The following GPC5 variants were observed in gnomAD, a reference collection of about 807,000 sequenced individuals.
GPC5 encodes glypican-5.
Under a neutral mutation model 53.9 loss-of-function variants are expected in GPC5, and 47 were observed. That is an observed-to-expected ratio of 0.87 (90% CI 0.69 to 1.11). The LOEUF (loss-of-function observed/expected upper bound fraction) is 1.11, where lower values mean the gene tolerates loss of function less well. Ranked by LOEUF, GPC5 falls within the 50% of genes most tolerant of loss-of-function variation. The pLI is 0.00. For missense variants in GPC5, 748 were observed against 713.1 expected, an observed-to-expected ratio of 1.05 and a Z score of -0.56; for synonymous variants, 286 against 263.3, an observed-to-expected ratio of 1.09 and a Z score of -0.84.
intron 1 of GPC5, among the ~76,000 whole-genome samples, chr13:91,402,989 T>C (rs1288466310): frequency 6.6e-6 from 1 of 152,224 alleles, no homozygotes; most frequent in Non-Finnish European, 1.5e-5. Flanking sequence ...CCACCGTTCT[T>C]CTGTCTGTAG....
At chr13:92,410,104 A>G (rs1465413636) in intron 7 of GPC5, among the ~76,000 whole-genome samples, 1 of 152,136 alleles carries the variant, frequency 6.6e-6, no homozygotes. Flanking sequence ...TTAATAACTG[A>G]TGTTTTTACA....
intron 2 of GPC5, among the ~76,000 whole-genome samples, chr13:91,644,076 T>C (rs2034500896): frequency 6.6e-6 from 1 of 152,122 alleles, no homozygotes; most frequent in African/African-American, 2.4e-5. Context: ...ATAGGATATA[T>C]TGGTAAAATT....
chr13:92,646,930 A>ATGTGTGTGTGTGTGTGTGTGTG (rs753380099), intron 7 of GPC5, among the ~76,000 whole-genome samples: 18 of 146,502 alleles, frequency 1.2e-4, no homozygotes, highest in Non-Finnish European at 2.4e-4. Flanking sequence ...ATATATAAAC[A>ATGTGTGTGTGTGTGTGTGTGTG]TGTGTGTGTG....
At chr13:91,861,335 T>G (rs1182038063) in intron 5 of GPC5, among the ~76,000 whole-genome samples, 4 of 152,178 alleles carry the variant, frequency 2.6e-5, no homozygotes, top group African/African-American at 9.6e-5. Context: ...ATTACTGTCA[T>G]TTATCTATTT....
chr13:92,608,013 G>T (rs1225980769), intron 7 of GPC5, among the ~76,000 whole-genome samples: 1 of 152,078 alleles, frequency 6.6e-6, no homozygotes, highest in Non-Finnish European at 1.5e-5. Context: ...ATTTCCTTAT[G>T]ATTTTCTTAA....
rs550035891 is a variant in GPC5, at chr13:91,785,694, A to C, written c.1280+29274A>C. On this transcript the variant is annotated intron_variant, in intron 5 of 7. Coordinates refer to ENST00000377067, the MANE Select transcript of GPC5 (RefSeq NM_004466.6). ...CATTTTTATGCTAATTCCAGCTTTC[A>C]GTTTCACAGGCTCAAAATCTTGTCT... is the stretch of plus-strand genomic sequence containing the variant. 3.9e-5 allele frequency among the ~76,000 whole-genome samples: 6 copies of C among 152,336 alleles called. No homozygotes were observed. In the East Asian group the frequency reaches 1.2e-3, roughly 29 times the overall value.
At chr13:91,944,849 C>T (rs2139050468) in intron 6 of GPC5, among the ~76,000 whole-genome samples, 1 of 152,242 alleles carries the variant, frequency 6.6e-6, no homozygotes, top group Middle Eastern at 3.4e-3. Context: ...ATAAGGATAA[C>T]CACTGGCTTC....
intron 7 of GPC5, among the ~76,000 whole-genome samples, chr13:92,286,832 T>C (rs1444792031): frequency 6.6e-6 from 1 of 152,020 alleles, no homozygotes; most frequent in Non-Finnish European, 1.5e-5. Context: ...CATGTATACA[T>C]ATGTAACAAA....
chr13:92,483,264 ACTTACAC>A (rs1171903463), intron 7 of GPC5, among the ~76,000 whole-genome samples: 2 of 152,304 alleles, frequency 1.3e-5, no homozygotes, highest in East Asian at 3.9e-4. Context: ...TCATGAGCAT[ACTTACAC>A]CAACCTAGAT....
intron 2 of GPC5, among the ~76,000 whole-genome samples, chr13:91,632,543 T>A (rs554546830): frequency 6.6e-6 from 1 of 152,174 alleles, no homozygotes; most frequent in South Asian, 2.1e-4. Flanking sequence ...AAGGAAAATA[T>A]AATGGAAAGA....
chr13:91,908,511 C>T (rs2039578169), intron 6 of GPC5, among the ~76,000 whole-genome samples: 1 of 152,032 alleles, frequency 6.6e-6, no homozygotes. Context: ...ATATTTATTT[C>T]CTATAACACC....
chr13:92,173,495 C>CT (rs2042085267), intron 7 of GPC5, among the ~76,000 whole-genome samples: 2 of 152,178 alleles, frequency 1.3e-5, no homozygotes, highest in African/African-American at 4.8e-5. Context: ...AGTCTGGCAC[C>CT]TGCCTGGACA....
At chr13:92,339,041 A>T (rs1420191991) in intron 7 of GPC5, among the ~76,000 whole-genome samples, 2 of 152,014 alleles carry the variant, frequency 1.3e-5, no homozygotes, top group Non-Finnish European at 2.9e-5. Flanking sequence ...GTAACCTAAA[A>T]CTATTCTTAA....
At chr13:92,768,805 T>C (rs1225411967) in intron 7 of GPC5, among the ~76,000 whole-genome samples, 1 of 151,418 alleles carries the variant, frequency 6.6e-6, no homozygotes, top group Non-Finnish European at 1.5e-5. Flanking sequence ...GCCTGCCTGG[T>C]CCACCCTCTC....
intron 7 of GPC5, among the ~76,000 whole-genome samples, chr13:92,399,498 T>C (rs563382384): frequency 6.6e-6 from 1 of 152,226 alleles, no homozygotes; most frequent in African/African-American, 2.4e-5. Context: ...TACTCTATTA[T>C]ACCTATTTAC....
intron 7 of GPC5, among the ~76,000 whole-genome samples, chr13:92,545,746 T>C (rs1315900292): frequency 1.3e-5 from 2 of 152,134 alleles, no homozygotes; most frequent in East Asian, 1.9e-4. Context: ...TCATATCCTT[T>C]GCCCACTTTT....
intron 7 of GPC5, among the ~76,000 whole-genome samples, chr13:92,540,462 A>G (rs1003645073): frequency 6.6e-6 from 1 of 151,976 alleles, no homozygotes; most frequent in African/African-American, 2.4e-5. Context: ...AGGGGATACA[A>G]GTTATTTTCT....
At chr13:92,106,046 C>CT (rs112886252) in intron 6 of GPC5, among the ~76,000 whole-genome samples, 19 of 152,058 alleles carry the variant, frequency 1.2e-4, no homozygotes, top group Middle Eastern at 3.4e-3. Context: ...TGATTCATTC[C>CT]TTTTCATTTT....
chr13:91,895,483 G>A (rs1243915262), intron 5 of GPC5, among the ~76,000 whole-genome samples: 1 of 152,104 alleles, frequency 6.6e-6, no homozygotes, highest in Non-Finnish European at 1.5e-5. Context: ...TCACAGAAAT[G>A]TTTTTTTGTG....
Sources: allele counts gnomAD v4.1 joint callset (sites outside exome capture counted in the v4.1 genomes callset), GRCh38; gene constraint gnomAD v4.1.1; transcripts MANE v1.5; gene names NCBI Gene and HGNC (gene_info 2026-07-23, HGNC 2026-07-21).